Variants in SOX30 observed in about 807,000 individuals in gnomAD.
The protein encoded by SOX30 is transcription factor SOX-30.
In SOX30, 17 loss-of-function variants were observed where a neutral mutation model predicts 58.6. That is an observed-to-expected ratio of 0.29 (90% CI 0.20 to 0.44). The LOEUF (loss-of-function observed/expected upper bound fraction) is 0.44. Among genes scored for constraint, SOX30 ranks in the 20% least tolerant of loss-of-function variants. SOX30 has a pLI of 1.00. For missense variants in SOX30, 951 were observed against 965.8 expected (o/e 0.98, Z 0.20); for synonymous variants, 421 against 400.2 (o/e 1.05, Z -0.62).
chr5:157,643,896 G>C lies in SOX30; in HGVS notation c.1387+2741C>G, dbSNP rs569446098. 2.0e-3 allele frequency among the ~76,000 whole-genome samples: 297 copies of C among 152,164 alleles called. 1 individual carries two copies. Among genetic ancestry groups the C allele is most frequent in the Non-Finnish European group, 1.9e-3 (131 of 68,010 alleles). On this transcript the variant is annotated intron_variant, in intron 3 of 4. Coordinates refer to ENST00000265007, the MANE Select transcript of SOX30 (RefSeq NM_178424.2). Reference sequence around the variant, plus strand: ...GCACACGAGATGTGTGCTATAATCTGTTCTAACTTAAGCTTCACAAATGAT... The same window carrying C: ...GCACACGAGATGTGTGCTATAATCTCTTCTAACTTAAGCTTCACAAATGAT...
At chr5:157,629,812 A>C (rs1432546475) in intron 4 of SOX30, among the ~76,000 whole-genome samples, 1 of 152,206 alleles carries the variant, frequency 6.6e-6, no homozygotes, top group Non-Finnish European at 1.5e-5. Flanking sequence ...TAACTCGCTC[A>C]AAGTGATATA....
chr5:157,668,559 C>T (rs989117334), intron 1 of SOX30, among the ~76,000 whole-genome samples: 2 of 151,916 alleles, frequency 1.3e-5, no homozygotes, highest in African/African-American at 4.8e-5. Context: ...CATCCAACCA[C>T]TCATCCATCC....
rs1387541406 is a variant in SOX30 at position 157,626,528 on chromosome 5, T to A, written c.2074A>T (p.Asn692Tyr). Residue 692 changes from asparagine to tyrosine, a missense_variant, in exon 5 of 5, where the codon AAT becomes TAT. Around this residue, in one of 7 missense-constraint regions of SOX30, gnomAD observed 381 missense variants for 390.0 expected, o/e 0.98. Transcript: ENST00000265007. ...TGACTGTTATAGTAAGAAGTTCCAT[T>A]CATGTTCTCACAACTCCGAGAATTT... ...SENSRSCENM[N>Y]GTSYYNSHSH... The A allele has an allele frequency of 3.1e-6, 5 of 1,614,196 alleles. No individual in the cohort carries two copies. Among genetic ancestry groups the A allele is most frequent in the Non-Finnish European group, 4.2e-6 (5 of 1,180,036 alleles).
intron 2 of SOX30, among the ~76,000 whole-genome samples, chr5:157,659,500 A>T (rs1291529130): frequency 2.0e-5 from 3 of 152,242 alleles, no homozygotes; most frequent in Non-Finnish European, 2.9e-5. Flanking sequence ...TCAGTTATCA[A>T]AATGTAATTG....
upstream of SOX30, among the ~76,000 whole-genome samples, chr5:157,654,436 G>A (rs72813205): frequency 0.042 from 6,386 of 152,246 alleles, 214 homozygotes; most frequent in East Asian, 0.1. Context: ...GACTCTGTAA[G>A]TGTCAGTCCC....
At chr5:157,652,899 C>T (rs1443695280), upstream of SOX30, among the ~76,000 whole-genome samples, 2 of 152,164 alleles carry the variant, frequency 1.3e-5, no homozygotes, top group Non-Finnish European at 2.9e-5. Flanking sequence ...AAACGCAAAT[C>T]TAAGGTTGTC....
rs759052122 is a variant in SOX30 at position 157,626,531 on chromosome 5, T to A, written c.2071A>T (p.Met691Leu). Residue 691 changes from methionine (M) to leucine (L), a missense_variant, in exon 5 of 5, where the codon ATG becomes TTG. Physicochemically the swap from Met to Leu is conservative, Grantham distance 15. Around this residue, in one of 7 missense-constraint regions of SOX30, gnomAD observed 381 missense variants for 390.0 expected, o/e 0.98. Transcript: ENST00000265007. ...HSENSRSCEN[M>L]NGTSYYNSHS... is the part of the protein sequence containing the mutation. ...CTGTTATAGTAAGAAGTTCCATTCA[T>A]GTTCTCACAACTCCGAGAATTTTCA... The A allele has an allele frequency of 1.4e-5, 23 of 1,614,046 alleles. No individual in the cohort carries two copies. Among genetic ancestry groups the A allele is most frequent in the Non-Finnish European group, 1.7e-5 (20 of 1,180,008 alleles).
At chr5:157,655,038 C>T (rs897029402), upstream of SOX30, among the ~76,000 whole-genome samples, 9 of 152,184 alleles carry the variant, frequency 5.9e-5, no homozygotes, top group Admixed American at 3.3e-4. Context: ...CTTCCTTGTG[C>T]GAGATCCAAG....
chr5:157,642,680 A>G (rs1759097331), intron 3 of SOX30, among the ~76,000 whole-genome samples: 1 of 152,192 alleles, frequency 6.6e-6, no homozygotes, highest in South Asian at 2.1e-4. Flanking sequence ...AACAACAACA[A>G]CAACAACAAA....
In SOX30 at chr5:157,651,276, G is replaced by A; in HGVS notation, c.803C>T (p.Pro268Leu). 1.2e-6 allele frequency: 2 copies of A among 1,614,134 alleles called. No homozygotes were observed. The highest frequency in any genetic ancestry group is 2.2e-5 in the East Asian group (1 of 44,880). The change falls in exon 1 of 5, where the codon CCC becomes CTC. Residue 268 changes from proline (P) to leucine (L), a missense_variant. Coordinates refer to ENST00000265007, the MANE Select transcript of SOX30 (RefSeq NM_178424.2). Reference sequence around the variant, plus strand: ...CTGAAACTGGATCCGGGCCCCAGGGGGGACCGTGTGGAGCGTCAAAGGGAT... The same window carrying A: ...CTGAAACTGGATCCGGGCCCCAGGGAGGACCGTGTGGAGCGTCAAAGGGAT... ...LRIPLTLHTV[P>L]PGARIQFQGA...
intron 4 of SOX30, among the ~76,000 whole-genome samples, chr5:157,627,372 AAAAC>A (rs1758683041): frequency 6.6e-6 from 1 of 152,226 alleles, no homozygotes; most frequent in African/African-American, 2.4e-5. Context: ...CAAAAAAACA[AAAAC>A]AAACAAAAAA....
intron 4 of SOX30, among the ~76,000 whole-genome samples, chr5:157,636,543 A>T (rs1409042462): frequency 6.6e-6 from 1 of 152,216 alleles, no homozygotes; most frequent in Non-Finnish European, 1.5e-5. Flanking sequence ...AAAAGATTCT[A>T]CATAAAACAA....
chr5:157,671,375 C>T, exon 1 of SOX30: 1 of 538,688 alleles, frequency 1.9e-6, no homozygotes, highest in South Asian at 2.6e-5. Flanking sequence ...AGCAACGCGC[C>T]GGGTCTCACC....
intron 3 of SOX30, among the ~76,000 whole-genome samples, chr5:157,645,328 TA>T (rs956384671): frequency 1.2e-4 from 18 of 150,998 alleles, no homozygotes; most frequent in Admixed American, 3.3e-4. Flanking sequence ...TTAAAGAGGT[TA>T]AAAAAAAATA....
chr5:157,650,411 T>C (rs1759300254), intron 1 of SOX30, among the ~76,000 whole-genome samples: 1 of 152,196 alleles, frequency 6.6e-6, no homozygotes, highest in African/African-American at 2.4e-5. Context: ...CAAAGTGTTC[T>C]GTGTGAACTA....
intron 4 of SOX30, among the ~76,000 whole-genome samples, chr5:157,631,595 T>C (rs1268932214): frequency 6.6e-6 from 1 of 151,880 alleles, no homozygotes; most frequent in African/African-American, 2.4e-5. Flanking sequence ...ACCCCGTCTC[T>C]ACTAAAAATA....
intron 1 of SOX30, among the ~76,000 whole-genome samples, chr5:157,649,502 T>C (rs1759275229): frequency 6.6e-6 from 1 of 152,128 alleles, no homozygotes; most frequent in Admixed American, 6.6e-5. Context: ...TAAAAATAAT[T>C]TTTTGGGCCA....
At position 157,638,285 on chromosome 5, in the gene SOX30, T is replaced by C. The variant is rs200118199; in HGVS notation, c.1825A>G (p.Arg609Gly). The change falls in exon 4 of 5, where the codon AGA (arginine) becomes GGA (glycine). Residue 609 changes from arginine (R) to glycine (G), a missense_variant. Arg to Gly is a moderately radical substitution (Grantham distance 125). This residue lies in a region of SOX30 where 381 missense variants were observed against 390.0 expected (regional missense o/e 0.98). Transcript: ENST00000265007. ...AAGTAAGGGTGATGAAAAGAGAATC[T>C]TGGTGGTGTCCCGAACAGTGTGGCT... is the stretch of plus-strand genomic sequence containing the variant. ...HPATLFGTPP[R>G]FSFHHPYFLP... The C allele has an allele frequency of 6.6e-5, 105 of 1,581,804 alleles. No individual in the cohort carries two copies. Among genetic ancestry groups the C allele is most frequent in the Non-Finnish European group, 8.7e-5 (101 of 1,162,158 alleles).
rs531541378 is a variant in SOX30, at chr5:157,635,392, G to C, written c.1880+2838C>G. Among the ~76,000 whole-genome samples, 3 of 152,308 alleles carry C rather than the reference G, an allele frequency of 2.0e-5. No individual in the cohort carries two copies. The South Asian group carries it at 6.2e-4, about 32-fold the overall frequency. ...TAATCCCAGTAGTTTGGGAGGCTGA[G>C]GCAGGTGGATCACCTGAGGTCAGGA... On this transcript the variant is annotated intron_variant, in intron 4 of 4. Transcript: ENST00000265007.
Sources: gnomAD v4.1 joint callset for allele counts (sites outside exome capture counted in the v4.1 genomes callset) on GRCh38, gnomAD v4.1.1 for gene constraint, gnomAD v4.1.1 regional missense constraint, MANE v1.5 for transcripts, NCBI Gene and HGNC (gene_info 2026-07-23, HGNC 2026-07-21) for gene names.